TANGO6: variants seen among roughly 807,000 people sequenced by gnomAD.
The protein encoded by TANGO6 is transport and Golgi organization protein 6 homolog.
TANGO6 carries 90 observed loss-of-function variants against 114.2 expected under a neutral mutation model. The observed-to-expected ratio is 0.79, with a 90% CI of 0.66 to 0.94. The LOEUF is 0.94. TANGO6 is among the 40% of genes least tolerant of loss of function. TANGO6 has a pLI of 0.00. For synonymous variants in TANGO6, 477 were observed against 509.8 expected, an observed-to-expected ratio of 0.94 and a Z score of 0.87; for missense variants, 1,274 against 1,315.3, an observed-to-expected ratio of 0.97 and a Z score of 0.49.
chr16:68,882,459 T>G (rs2152171891), intron 7 of TANGO6, among the ~76,000 whole-genome samples: 1 of 151,096 alleles, frequency 6.6e-6, no homozygotes, highest in Admixed American at 6.6e-5. Context: ...ATCGCACCAC[T>G]GCACTCCAGC....
chr16:68,970,311 T>C (rs1044194351), intron 14 of TANGO6, among the ~76,000 whole-genome samples: 6 of 152,184 alleles, frequency 3.9e-5, no homozygotes, highest in African/African-American at 1.4e-4. Context: ...TTGGCCAGGA[T>C]AGTATGTTCA....
At chr16:69,040,849 T>C (rs1050012697) in intron 17 of TANGO6, among the ~76,000 whole-genome samples, 1 of 152,126 alleles carries the variant, frequency 6.6e-6, no homozygotes, top group Admixed American at 6.6e-5. Context: ...ATCTATGACA[T>C]GTTAGGTGCT....
intron 14 of TANGO6, among the ~76,000 whole-genome samples, chr16:68,947,447 C>T (rs928436635): frequency 2.9e-4 from 44 of 149,748 alleles, no homozygotes; most frequent in African/African-American, 1.0e-3. Flanking sequence ...AGTAAGACTC[C>T]GTCTCAAAAA....
At chr16:68,858,092 C>T (rs1336606038) in intron 1 of TANGO6, among the ~76,000 whole-genome samples, 3 of 147,068 alleles carry the variant, frequency 2.0e-5, no homozygotes, top group Admixed American at 6.8e-5. Context: ...GAAACAGAGT[C>T]TCACTCTGTC....
chr16:69,022,717 A>C, intron 15 of TANGO6, 111 bp from the exon 16 acceptor site: 1 of 1,280,774 alleles, frequency 7.8e-7, no homozygotes, highest in Non-Finnish European at 1.1e-6. Flanking sequence ...AAAAAAATAA[A>C]AACAAAAAGA....
chr16:69,043,646 C>T (rs1481429137), intron 17 of TANGO6, among the ~76,000 whole-genome samples: 2 of 152,064 alleles, frequency 1.3e-5, no homozygotes, highest in East Asian at 1.9e-4. Flanking sequence ...ATCTTGTAAT[C>T]GTAGGTGTGA....
intron 15 of TANGO6, among the ~76,000 whole-genome samples, chr16:68,988,260 C>G (rs980194449): frequency 1.3e-5 from 2 of 152,206 alleles, no homozygotes; most frequent in Non-Finnish European, 2.9e-5. Flanking sequence ...CCTCATATGA[C>G]TCGACTTTCC....
At chr16:68,953,027 GTTCA>G (rs1963486437) in intron 14 of TANGO6, among the ~76,000 whole-genome samples, 1 of 148,892 alleles carries the variant, frequency 6.7e-6, no homozygotes, top group African/African-American at 2.5e-5. Flanking sequence ...GGCTTAAAAT[GTTCA>G]TTCACTCAAC....
At chr16:69,074,895 T>C (rs1301738682) in intron 17 of TANGO6, among the ~76,000 whole-genome samples, 1 of 151,546 alleles carries the variant, frequency 6.6e-6, no homozygotes, top group Non-Finnish European at 1.5e-5. Flanking sequence ...TTGCCCAGGC[T>C]AGTGTGAGGT....
At chr16:68,875,752 A>G (rs1962345226) in intron 5 of TANGO6, among the ~76,000 whole-genome samples, 1 of 151,184 alleles carries the variant, frequency 6.6e-6, no homozygotes, top group Non-Finnish European at 1.5e-5. Flanking sequence ...CTGGGCAACA[A>G]GAGTGAAACT....
At chr16:68,966,230 A>AAT (rs1567549715) in intron 14 of TANGO6, among the ~76,000 whole-genome samples, 1 of 151,530 alleles carries the variant, frequency 6.6e-6, no homozygotes, top group Non-Finnish European at 1.5e-5. Flanking sequence ...TGTCTTAAAA[A>AAT]ATAAAAAATG....
chr16:68,993,347 G>A (rs1016110743), intron 15 of TANGO6, among the ~76,000 whole-genome samples: 12 of 152,164 alleles, frequency 7.9e-5, no homozygotes, highest in African/African-American at 2.7e-4. Context: ...ATAAATTAAA[G>A]CATTCATTTG....
chr16:68,924,576 T>C (rs1340969485), intron 12 of TANGO6, among the ~76,000 whole-genome samples: 1 of 151,442 alleles, frequency 6.6e-6, no homozygotes, highest in Non-Finnish European at 1.5e-5. Flanking sequence ...TCACCTGAGG[T>C]CAGGAGTTCG....
chr16:68,989,378 C>CCT (rs1963927207), intron 15 of TANGO6, among the ~76,000 whole-genome samples: 1 of 151,376 alleles, frequency 6.6e-6, no homozygotes, highest in Non-Finnish European at 1.5e-5. Flanking sequence ...TGGACTCTTT[C>CCT]CTCTGTCATT....
intron 13 of TANGO6, among the ~76,000 whole-genome samples, chr16:68,928,720 AAG>A (rs1215936662): frequency 2.0e-5 from 3 of 152,108 alleles, no homozygotes; most frequent in Admixed American, 2.0e-4. Context: ...GAGCAGATGA[AAG>A]AGGGGTGGGA....
At chr16:68,918,236 G>A (rs1332551007) in intron 11 of TANGO6, among the ~76,000 whole-genome samples, 1 of 152,108 alleles carries the variant, frequency 6.6e-6, no homozygotes, top group Non-Finnish European at 1.5e-5. Flanking sequence ...AGCTTTAAGA[G>A]TTCTCTGTAA....
At chr16:69,032,837 C>G (rs1458310257) in intron 16 of TANGO6, among the ~76,000 whole-genome samples, 1 of 149,394 alleles carries the variant, frequency 6.7e-6, no homozygotes, top group Non-Finnish European at 1.5e-5. Flanking sequence ...GATCACACCA[C>G]TGTACTCCAG....
chr16:68,986,662 T>C (rs1029593827), intron 15 of TANGO6, among the ~76,000 whole-genome samples: 5 of 152,056 alleles, frequency 3.3e-5, no homozygotes, highest in African/African-American at 1.2e-4. Flanking sequence ...TCCCAGCACT[T>C]TGGGAGGCCC....
chr16:69,022,686 A>G (rs1959427966), intron 15 of TANGO6, 142 bp from the exon 16 acceptor site: 4 of 898,018 alleles, frequency 4.5e-6, no homozygotes, highest in South Asian at 1.8e-5. Context: ...TCTGGGCAAT[A>G]CAGCAAGACC....
Sources: allele counts gnomAD v4.1 joint callset (sites outside exome capture counted in the v4.1 genomes callset), GRCh38; gene constraint gnomAD v4.1.1; transcripts MANE v1.5; gene names NCBI Gene and HGNC (gene_info 2026-07-23, HGNC 2026-07-21).